Variants in PTPRT observed in about 807,000 individuals in gnomAD.
The protein encoded by PTPRT is protein tyrosine phosphatase receptor type T.
Under a neutral mutation model 176.8 loss-of-function variants are expected in PTPRT, and 56 were observed. That is an observed-to-expected ratio of 0.32 (90% CI 0.26 to 0.40). PTPRT has a LOEUF of 0.40. PTPRT is among the 10% of genes least tolerant of loss of function. The probability of loss-of-function intolerance (pLI) is 1.00; values close to 1 mark genes in which losing one functional copy is unlikely to be tolerated. For missense variants in PTPRT, 1,540 were observed against 1,908.2 expected (o/e 0.81, Z 3.60); for synonymous variants, 783 against 739.0 (o/e 1.06, Z -0.96).
At chr20:43,172,638 G>C (rs1011471560) in intron 1 of PTPRT, among the ~76,000 whole-genome samples, 1 of 152,206 alleles carries the variant, frequency 6.6e-6, no homozygotes, top group African/African-American at 2.4e-5. Flanking sequence ...AGGATGGCTA[G>C]TATTTATGGA....
intron 2 of PTPRT, among the ~76,000 whole-genome samples, chr20:42,833,222 TA>T (rs112084889): frequency 1.4e-5 from 2 of 144,554 alleles, no homozygotes; most frequent in South Asian, 4.4e-4. Context: ...CAGTATAACT[TA>T]AAAAAAAACC....
intron 14 of PTPRT, among the ~76,000 whole-genome samples, chr20:42,237,055 C>T (rs1342427144): frequency 6.6e-6 from 1 of 152,154 alleles, no homozygotes; most frequent in East Asian, 1.9e-4. Context: ...AGGAGAGCCT[C>T]TGAGACTACA....
intron 15 of PTPRT, among the ~76,000 whole-genome samples, chr20:42,214,715 C>T (rs2055727508): frequency 1.3e-5 from 2 of 152,226 alleles, no homozygotes; most frequent in Non-Finnish European, 2.9e-5. Flanking sequence ...AATAGTCAGA[C>T]CCTGTTGGAC....
chr20:42,442,203 T>G (rs2059322475), intron 9 of PTPRT, among the ~76,000 whole-genome samples: 1 of 152,192 alleles, frequency 6.6e-6, no homozygotes, highest in African/African-American at 2.4e-5. Flanking sequence ...TCCATCAATG[T>G]CTGTGTTCAG....
intron 15 of PTPRT, among the ~76,000 whole-genome samples, chr20:42,214,070 G>A (rs945433496): frequency 6.6e-6 from 1 of 152,210 alleles, no homozygotes; most frequent in Admixed American, 6.5e-5. Flanking sequence ...AGTATTATTA[G>A]TTCCATTTTA....
At chr20:42,203,805 T>C (rs1445990202) in intron 15 of PTPRT, among the ~76,000 whole-genome samples, 1 of 152,248 alleles carries the variant, frequency 6.6e-6, no homozygotes, top group South Asian at 2.1e-4. Context: ...CCTGTTGCTA[T>C]GTAAGAGCTA....
At chr20:42,793,882 C>T (rs1362822540) in intron 2 of PTPRT, among the ~76,000 whole-genome samples, 2 of 152,138 alleles carry the variant, frequency 1.3e-5, no homozygotes, top group Non-Finnish European at 2.9e-5. Flanking sequence ...AGGAGTAGCA[C>T]ATCTCCCAGC....
At chr20:43,137,426 AGTT>A (rs1266812103) in intron 1 of PTPRT, among the ~76,000 whole-genome samples, 1 of 152,230 alleles carries the variant, frequency 6.6e-6, no homozygotes, top group African/African-American at 2.4e-5. Context: ...AGGACTGAGT[AGTT>A]GTGACACAGG....
At position 42,733,826 on chromosome 20, in the gene PTPRT, C is replaced by A. The variant is rs545828529; in HGVS notation, c.859+22636G>T. Among the ~76,000 whole-genome samples, 7 of 152,288 alleles carry A rather than the reference C, an allele frequency of 4.6e-5. 1 individual carries two copies. The highest frequency in any genetic ancestry group is 1.7e-4 in the African/African-American group (7 of 41,562). On this transcript the variant is annotated intron_variant, in intron 6 of 30. Coordinates refer to ENST00000373187, the MANE Select transcript of PTPRT (RefSeq NM_007050.6). Reference sequence around the variant, plus strand: ...CTCTGGGCTCATAACACAGCAGGGTCCAGATCTGGGGAGAAGCAGGCACGA... The same window carrying A: ...CTCTGGGCTCATAACACAGCAGGGTACAGATCTGGGGAGAAGCAGGCACGA...
In PTPRT at chr20:43,075,463, G is replaced by A. The variant is rs80330959; in HGVS notation, c.88+114183C>T. Among the ~76,000 whole-genome samples, 595 of 152,370 alleles carry A rather than the reference G, an allele frequency of 3.9e-3. 3 individuals are homozygous for A. The highest frequency in any genetic ancestry group is 0.013 in the African/African-American group (548 of 41,596). ...GTGATTCATTATGCAGCCAGGCTATGCTCTAATAAGCACTCGTCAGGTTCC... is the reference window on the plus strand; with the variant it reads ...GTGATTCATTATGCAGCCAGGCTATACTCTAATAAGCACTCGTCAGGTTCC... On this transcript the variant is annotated intron_variant, in intron 1 of 30. Coordinates refer to ENST00000373187, the MANE Select transcript of PTPRT (RefSeq NM_007050.6).
At chr20:42,926,958 G>C (rs1979525596) in intron 1 of PTPRT, among the ~76,000 whole-genome samples, 1 of 152,124 alleles carries the variant, frequency 6.6e-6, no homozygotes, top group Admixed American at 6.5e-5. Flanking sequence ...GCTATTACCA[G>C]GGAAAGGATG....
At chr20:42,460,245 T>C (rs1326205901) in intron 8 of PTPRT, among the ~76,000 whole-genome samples, 2 of 152,080 alleles carry the variant, frequency 1.3e-5, no homozygotes, top group African/African-American at 4.8e-5. Flanking sequence ...CTAGAAGAAA[T>C]AATTAGGGAA....
At position 42,312,802 on chromosome 20, in the gene PTPRT, CTTTT is replaced by C. The variant is rs11482597; in HGVS notation, c.2139+2917_2139+2920del. Among the ~76,000 whole-genome samples, 575 of 112,322 alleles carry C rather than the reference CTTTT, an allele frequency of 5.1e-3. 4 individuals are homozygous for C. The highest frequency in any genetic ancestry group is 0.016 in the African/African-American group (469 of 29,190). 73.7% of individuals were successfully genotyped at this position (112,322 alleles called of 152,430 possible). On this transcript the variant is annotated intron_variant, in intron 12 of 30. Coordinates refer to ENST00000373187, the MANE Select transcript of PTPRT (RefSeq NM_007050.6). Reference sequence around the variant, plus strand: ...GATGAGGCAGTTTCAGAGTGAGATCCTTTTTTTTTTTTTTTTTTTTTTCCTCTAT... The same window carrying C: ...GATGAGGCAGTTTCAGAGTGAGATCCTTTTTTTTTTTTTTTTTTCCTCTAT...
At chr20:42,993,069 G>A (rs191906515) in intron 1 of PTPRT, among the ~76,000 whole-genome samples, 24 of 152,208 alleles carry the variant, frequency 1.6e-4, no homozygotes, top group Middle Eastern at 6.8e-3. Flanking sequence ...GTTTCAAGGG[G>A]AAGGGACACA....
intron 18 of PTPRT, among the ~76,000 whole-genome samples, chr20:42,139,515 G>A (rs1988526224): frequency 6.6e-6 from 1 of 152,212 alleles, no homozygotes; most frequent in Admixed American, 6.5e-5. Context: ...TCATCCCTGT[G>A]GGAACTCCAG....
intron 6 of PTPRT, among the ~76,000 whole-genome samples, chr20:42,685,027 G>A (rs1276504355): frequency 6.6e-6 from 1 of 152,152 alleles, no homozygotes; most frequent in African/African-American, 2.4e-5. Flanking sequence ...CAAACAGTTA[G>A]TCATTCAAAA....
At chr20:42,285,610 A>G (rs6030108) in intron 12 of PTPRT, among the ~76,000 whole-genome samples, 1,602 of 151,936 alleles carry the variant, frequency 0.011, 35 homozygotes, top group African/African-American at 0.037. Flanking sequence ...TGAGCGATAT[A>G]TCTGTCTAAC....
At chr20:42,174,226 CAGTAAG>C (rs1285712561) in intron 16 of PTPRT, among the ~76,000 whole-genome samples, 42 of 152,162 alleles carry the variant, frequency 2.8e-4, no homozygotes, top group Admixed American at 2.6e-4. Flanking sequence ...ATGTCTTGGT[CAGTAAG>C]TTACTCAAAG....
rs73278746 is a variant in PTPRT, at chr20:42,585,355, T to C, written c.1153+92511A>G. Among the ~76,000 whole-genome samples the C allele has an allele frequency of 6.2e-3, 942 of 152,348 alleles. 9 individuals are homozygous for C. The highest frequency in any genetic ancestry group is 0.02 in the African/African-American group (852 of 41,584). ...CTCTGAGAAGTCTGTCTCTTTTTTC[T>C]TACTGACTTGAAATAACTCCATGCA... On this transcript the variant is annotated intron_variant, in intron 7 of 30. Coordinates refer to ENST00000373187, the MANE Select transcript of PTPRT (RefSeq NM_007050.6).
Sources: gnomAD v4.1 joint callset for allele counts (sites outside exome capture counted in the v4.1 genomes callset) on GRCh38, gnomAD v4.1.1 for gene constraint, MANE v1.5 for transcripts, NCBI Gene and HGNC (gene_info 2026-07-23, HGNC 2026-07-21) for gene names.